The following PDE1C variants were observed in gnomAD, a reference collection of about 807,000 sequenced individuals.
The protein encoded by PDE1C is phosphodiesterase 1C, also known as dual specificity calcium/calmodulin-dependent 3',5'-cyclic nucleotide phosphodiesterase 1C.
In PDE1C, 62 loss-of-function variants were observed where a neutral mutation model predicts 93.1. The ratio of observed to expected loss-of-function variants is 0.67; its 90% CI spans 0.54 to 0.82. PDE1C has a LOEUF of 0.82. Among genes scored for constraint, PDE1C ranks in the 40% least tolerant of loss-of-function variants. The pLI is 0.00. For missense variants in PDE1C, 742 were observed against 884.6 expected (o/e 0.84, Z 2.04); for synonymous variants, 325 against 310.1 (o/e 1.05, Z -0.50).
chr7:31,780,246 T>G (rs1352426453), intron 16 of PDE1C, among the ~76,000 whole-genome samples: 1 of 152,200 alleles, frequency 6.6e-6, no homozygotes, highest in African/African-American at 2.4e-5. Context: ...CAGAGATGTT[T>G]CTTTCAGTTG....
intron 2 of PDE1C, among the ~76,000 whole-genome samples, chr7:31,894,629 GA>G (rs775945184): frequency 2.0e-5 from 3 of 152,262 alleles, no homozygotes; most frequent in Admixed American, 2.0e-4. Context: ...TCTCAGAAAA[GA>G]AATTCCATTG....
intron 4 of PDE1C, among the ~76,000 whole-genome samples, chr7:31,878,617 C>T (rs1165564232): frequency 6.6e-6 from 1 of 152,132 alleles, no homozygotes; most frequent in African/African-American, 2.4e-5. Context: ...GGACTTCAAA[C>T]CACTGAAATG....
At chr7:32,412,731 T>C (rs2128098200) in intron 1 of PDE1C, among the ~76,000 whole-genome samples, 1 of 152,296 alleles carries the variant, frequency 6.6e-6, no homozygotes, top group Non-Finnish European at 1.5e-5. Flanking sequence ...GACATAACTA[T>C]ACAGTCATAC....
the PDE1C span, among the ~76,000 whole-genome samples, chr7:31,712,615 G>A: frequency 6.6e-6 from 1 of 152,202 alleles, no homozygotes; most frequent in Admixed American, 6.5e-5. Context: ...GGGCTCTGGT[G>A]TCATGGCTTC....
intron 10 of PDE1C, 70 bp downstream of exon 10, chr7:31,837,800 G>A: frequency 2.1e-6 from 2 of 936,894 alleles, no homozygotes; most frequent in Non-Finnish European, 3.5e-6. Flanking sequence ...TCTTTAAAGG[G>A]ATAGCCACAT....
chr7:32,367,055 T>C (rs892177724), intron 1 of PDE1C, among the ~76,000 whole-genome samples: 2 of 151,772 alleles, frequency 1.3e-5, no homozygotes, highest in Non-Finnish European at 2.9e-5. Flanking sequence ...AAGAGAAGTC[T>C]GCCAGTCAAG....
chr7:31,765,569 CAGA>C (rs1422204517), intron 17 of PDE1C, among the ~76,000 whole-genome samples: 1 of 152,176 alleles, frequency 6.6e-6, no homozygotes, highest in East Asian at 1.9e-4. Context: ...TGGCCAATTT[CAGA>C]AGAAGCCTAT....
chr7:32,161,660 T>C (rs1801932975), intron 3 of PDE1C, among the ~76,000 whole-genome samples: 1 of 152,184 alleles, frequency 6.6e-6, no homozygotes, highest in African/African-American at 2.4e-5. Flanking sequence ...TGGGTCTTTA[T>C]GTGGGCTGGA....
intron 2 of PDE1C, among the ~76,000 whole-genome samples, chr7:31,995,201 A>G (rs1464870089): frequency 6.6e-6 from 1 of 152,124 alleles, no homozygotes; most frequent in Non-Finnish European, 1.5e-5. Flanking sequence ...TATTCCCTTT[A>G]ACTATAGGTG....
intron 2 of PDE1C, among the ~76,000 whole-genome samples, chr7:32,181,652 G>A (rs1357707287): frequency 1.3e-5 from 2 of 152,000 alleles, no homozygotes; most frequent in African/African-American, 4.8e-5. Flanking sequence ...TCAAAGCAGT[G>A]TGTAGAGGGA....
At chr7:32,053,238 A>G (rs1002346614) in intron 1 of PDE1C, among the ~76,000 whole-genome samples, 3 of 152,204 alleles carry the variant, frequency 2.0e-5, no homozygotes, top group Non-Finnish European at 4.4e-5. Context: ...TGAGAAATAA[A>G]TGAGATAATT....
chr7:31,637,470 CA>C, the PDE1C span, among the ~76,000 whole-genome samples: 1 of 152,162 alleles, frequency 6.6e-6, no homozygotes, highest in Admixed American at 6.5e-5. Context: ...TTTTGATTTG[CA>C]TTTCTCTGAT....
At chr7:32,062,360 C>T (rs982179929) in intron 1 of PDE1C, among the ~76,000 whole-genome samples, 2 of 152,308 alleles carry the variant, frequency 1.3e-5, no homozygotes, top group East Asian at 3.9e-4. Context: ...TCGGACCTGG[C>T]TCCTCTCCAG....
chr7:31,776,355 T>C (rs1645459007), intron 16 of PDE1C, among the ~76,000 whole-genome samples: 2 of 152,140 alleles, frequency 1.3e-5, no homozygotes, highest in Non-Finnish European at 2.9e-5. Context: ...TCAGGAACAA[T>C]GGGAGACTTC....
At chr7:31,630,244 C>CA in the PDE1C span, among the ~76,000 whole-genome samples, 56,847 of 103,564 alleles carry the variant, frequency 0.55, 16,781 homozygotes, top group East Asian at 0.81. Context: ...GTCTACTTGG[C>CA]AAAAAAAAAA....
the PDE1C span, among the ~76,000 whole-genome samples, chr7:31,670,863 A>C: frequency 6.6e-6 from 1 of 152,146 alleles, no homozygotes; most frequent in Non-Finnish European, 1.5e-5. Flanking sequence ...CACTGGCAGC[A>C]GAGAGGAGAA....
chr7:31,658,234 AT>A, the PDE1C span: 1 of 1,467,732 alleles, frequency 6.8e-7, no homozygotes, highest in East Asian at 2.5e-5. Context: ...AAAATGTTGC[AT>A]TAGGTTTTGT....
intron 16 of PDE1C, among the ~76,000 whole-genome samples, chr7:31,796,329 G>A (rs1394719759): frequency 6.6e-6 from 1 of 151,512 alleles, no homozygotes. Flanking sequence ...AAGTGTGTGT[G>A]TAATTTCAGT....
At chr7:31,623,737 G>A in the PDE1C span, among the ~76,000 whole-genome samples, 69,845 of 137,860 alleles carry the variant, frequency 0.51, 18,471 homozygotes, top group East Asian at 0.82. Flanking sequence ...CTATCACCAC[G>A]CCTATTCAAC....
Sources: allele counts gnomAD v4.1 joint callset (sites outside exome capture counted in the v4.1 genomes callset), GRCh38; gene constraint gnomAD v4.1.1; transcripts MANE v1.5; gene names NCBI Gene and HGNC (gene_info 2026-07-23, HGNC 2026-07-21).